The following PDE1C variants were observed in gnomAD, a reference collection of about 807,000 sequenced individuals.
The protein encoded by PDE1C is phosphodiesterase 1C.
PDE1C carries 62 observed loss-of-function variants against 93.1 expected under a neutral mutation model. The ratio of observed to expected loss-of-function variants is 0.67; its 90% CI spans 0.54 to 0.82. PDE1C has a LOEUF of 0.82. Among genes scored for constraint, PDE1C ranks in the 40% least tolerant of loss-of-function variants. The probability of loss-of-function intolerance (pLI) is 0.00; values close to 1 mark genes in which losing one functional copy is unlikely to be tolerated. For synonymous variants in PDE1C, 325 were observed against 310.1 expected (o/e 1.05, Z -0.50); for missense variants, 742 against 884.6 (o/e 0.84, Z 2.04).
At chr7:32,046,109 T>A (rs1182322039) in intron 2 of PDE1C, among the ~76,000 whole-genome samples, 1 of 152,094 alleles carries the variant, frequency 6.6e-6, no homozygotes, top group Non-Finnish European at 1.5e-5. Flanking sequence ...CACACTATTA[T>A]CTATATGTAC....
intron 1 of PDE1C, among the ~76,000 whole-genome samples, chr7:32,242,638 T>C (rs1446897842): frequency 6.6e-6 from 1 of 151,682 alleles, no homozygotes; most frequent in East Asian, 1.9e-4. Flanking sequence ...AGAGGGGTGG[T>C]GGGTGGCAGA....
At chr7:31,937,736 T>A (rs1310697876) in intron 2 of PDE1C, among the ~76,000 whole-genome samples, 1 of 152,218 alleles carries the variant, frequency 6.6e-6, no homozygotes, top group Non-Finnish European at 1.5e-5. Context: ...TAAAATTTTC[T>A]ATACAGATCA....
chr7:32,316,433 C>G (rs1234603307), intron 1 of PDE1C, among the ~76,000 whole-genome samples: 2 of 152,210 alleles, frequency 1.3e-5, no homozygotes, highest in African/African-American at 4.8e-5. Context: ...CAGTGAAAAA[C>G]TCCTGCTACC....
intron 3 of PDE1C, among the ~76,000 whole-genome samples, chr7:32,093,126 A>C (rs1020247056): frequency 6.6e-6 from 1 of 152,248 alleles, no homozygotes; most frequent in Non-Finnish European, 1.5e-5. Flanking sequence ...GCACATAGAA[A>C]GTGCAGTCAT....
upstream of PDE1C, chr7:32,071,263 C>G (rs897875898): frequency 1.0e-6 from 1 of 985,314 alleles, no homozygotes; most frequent in African/African-American, 1.7e-5. Flanking sequence ...CTTATCCTCC[C>G]GGGGCCAGGG....
chr7:32,416,385 T>C (rs1198400697), intron 1 of PDE1C, among the ~76,000 whole-genome samples: 1 of 152,146 alleles, frequency 6.6e-6, no homozygotes, highest in Non-Finnish European at 1.5e-5. Flanking sequence ...CCCCTCCCTG[T>C]TCCTCCAGGA....
intron 1 of PDE1C, among the ~76,000 whole-genome samples, chr7:32,063,959 C>G (rs943557857): frequency 9.2e-5 from 14 of 152,158 alleles, no homozygotes; most frequent in African/African-American, 3.4e-4. Context: ...TCTGAAGCTC[C>G]TAGCACCTAG....
Position 32,008,340 on chromosome 7 carries a change from G to T in PDE1C, c.128+43214C>A, listed in dbSNP as rs548108392. ...TTTGTTGACTTGATGCTACTTCTAG[G>T]CTTGACCTTCACTGTTCATCAAGGT... On this transcript the variant is annotated intron_variant, in intron 2 of 17. Coordinates refer to ENST00000396191, the MANE Select transcript of PDE1C (RefSeq NM_001191057.4). Among the ~76,000 whole-genome samples the T allele has an allele frequency of 2.0e-5, 3 of 152,154 alleles. No individual in the cohort carries two copies. The East Asian group carries it at 5.8e-4, about 29-fold the overall frequency.
In PDE1C at chr7:32,169,919, G is replaced by A. The variant is rs751411917; in HGVS notation, c.174C>T (p.Ile58=). Residue 58 remains isoleucine (I), a synonymous_variant, in exon 3 of 19, where the codon ATC becomes ATT. Coordinates refer to the PDE1C transcript ENST00000396193. The stretch of plus-strand genomic sequence containing the variant: ...CCTTGACATTCCCTGTGAGCCCATC[G>A]ATGAGGGAGTTCCACAGACAGTTCT... 24 of 1,612,512 alleles carry A rather than the reference G, an allele frequency of 1.5e-5. No individual in the cohort carries two copies. In the Middle Eastern group the frequency reaches 4.9e-4, roughly 33 times the overall value.
intron 1 of PDE1C, among the ~76,000 whole-genome samples, chr7:32,378,567 C>T (rs1784473668): frequency 6.6e-6 from 1 of 152,180 alleles, no homozygotes; most frequent in Admixed American, 6.6e-5. Flanking sequence ...TATGCAACTT[C>T]CCCAGTTACT....
the PDE1C span, among the ~76,000 whole-genome samples, chr7:31,732,636 TTCTGTGTGTG>T: frequency 2.6e-4 from 27 of 103,204 alleles, no homozygotes; most frequent in African/African-American, 6.6e-4. Context: ...TCTCCTCTCT[TTCTGTGTGTG>T]TGTGTGTGTG....
chr7:32,196,723 A>G (rs777507959), intron 2 of PDE1C, among the ~76,000 whole-genome samples: 3 of 152,186 alleles, frequency 2.0e-5, no homozygotes, highest in Non-Finnish European at 2.9e-5. Context: ...AATTGATTTC[A>G]CAGAGGAAGA....
At chr7:32,417,931 C>T (rs1785307583) in intron 1 of PDE1C, among the ~76,000 whole-genome samples, 2 of 152,182 alleles carry the variant, frequency 1.3e-5, no homozygotes, top group Non-Finnish European at 2.9e-5. Context: ...TAGACTGCAA[C>T]ATTAAAATAT....
At chr7:32,099,512 G>C (rs997076839) in intron 3 of PDE1C, among the ~76,000 whole-genome samples, 6 of 152,166 alleles carry the variant, frequency 3.9e-5, no homozygotes, top group African/African-American at 1.4e-4. Context: ...TTATATTTTT[G>C]CCATCTTTTT....
At position 32,118,007 on chromosome 7, in the gene PDE1C, A is replaced by T. The variant is rs1180611064; in HGVS notation, c.308+51778T>A. ...GACAATGTTTTAGGAGAGATTGAGCAAGAGGAGGACAAGCTGGACACTGAT... is the reference window on the plus strand; with the variant it reads ...GACAATGTTTTAGGAGAGATTGAGCTAGAGGAGGACAAGCTGGACACTGAT... On this transcript the variant is annotated intron_variant, in intron 3 of 18. Coordinates refer to the PDE1C transcript ENST00000396193. Among the ~76,000 whole-genome samples the T allele has an allele frequency of 3.3e-5, 5 of 152,230 alleles. 1 individual carries two copies. The East Asian group carries it at 9.6e-4, about 29-fold the overall frequency.
chr7:32,218,335 A>C (rs1806579126), intron 1 of PDE1C, among the ~76,000 whole-genome samples: 1 of 152,252 alleles, frequency 6.6e-6, no homozygotes. Flanking sequence ...AATAAAACTA[A>C]TTTGTAGTTG....
At chr7:31,835,327 T>C (rs539664915) in intron 11 of PDE1C, among the ~76,000 whole-genome samples, 2 of 152,048 alleles carry the variant, frequency 1.3e-5, no homozygotes, top group Non-Finnish European at 2.9e-5. Context: ...AAACAGCCTT[T>C]GGAAAAATAG....
chr7:32,118,132 G>T (rs1046785132), intron 3 of PDE1C, among the ~76,000 whole-genome samples: 1 of 152,212 alleles, frequency 6.6e-6, no homozygotes, highest in African/African-American at 2.4e-5. Flanking sequence ...TAAGGAGAGA[G>T]TGGAGGGTTA....
At chr7:31,685,322 GA>G in the PDE1C span, among the ~76,000 whole-genome samples, 3 of 152,304 alleles carry the variant, frequency 2.0e-5, no homozygotes, top group Middle Eastern at 3.4e-3. Flanking sequence ...TGTGGTGACA[GA>G]AATGTTCTGT....
Sources: gnomAD v4.1 joint callset for allele counts (sites outside exome capture counted in the v4.1 genomes callset) on GRCh38, gnomAD v4.1.1 for gene constraint, MANE v1.5 for transcripts, NCBI Gene and HGNC (gene_info 2026-07-23, HGNC 2026-07-21) for gene names.